Variants in NRXN1 observed in about 807,000 individuals in gnomAD.
The protein encoded by NRXN1 is neurexin-1.
In NRXN1, 39 loss-of-function variants were observed where a neutral mutation model predicts 150.9. That is an observed-to-expected ratio of 0.26 (90% CI 0.20 to 0.34). The LOEUF (loss-of-function observed/expected upper bound fraction) is 0.34, where lower values mean the gene tolerates loss of function less well. Among genes scored for constraint, NRXN1 ranks in the 10% least tolerant of loss-of-function variants. NRXN1 has a pLI of 1.00. For missense variants in NRXN1, 1,815 were observed against 1,949.9 expected (o/e 0.93, Z 1.30); for synonymous variants, 924 against 757.0 (o/e 1.22, Z -3.62).
At chr2:50,745,288 T>C (rs891992261) in intron 5 of NRXN1, among the ~76,000 whole-genome samples, 4 of 144,336 alleles carry the variant, frequency 2.8e-5, no homozygotes, top group African/African-American at 5.2e-5. Context: ...CTTATTTTTA[T>C]ATTTATATCT....
intron 18 of NRXN1, among the ~76,000 whole-genome samples, chr2:50,104,263 G>A (rs1314576182): frequency 6.6e-6 from 1 of 152,004 alleles, no homozygotes; most frequent in African/African-American, 2.4e-5. Context: ...GGTGGACTCT[G>A]ACTATTTCTG....
chr2:50,344,578 TTCTC>T (rs1184847194), intron 17 of NRXN1, among the ~76,000 whole-genome samples: 2 of 152,188 alleles, frequency 1.3e-5, no homozygotes, highest in Non-Finnish European at 2.9e-5. Flanking sequence ...ATCCTATTCT[TTCTC>T]TTTTTCGATG....
At chr2:50,373,654 GAAAGAAA>G (rs2080229958) in intron 17 of NRXN1, among the ~76,000 whole-genome samples, 1 of 101,520 alleles carries the variant, frequency 9.9e-6, no homozygotes, top group Non-Finnish European at 2.0e-5. Flanking sequence ...AAGAAAGAAA[GAAAGAAA>G]GAAAGAAAGA....
chr2:50,473,424 A>G (rs992739110), intron 15 of NRXN1, among the ~76,000 whole-genome samples: 1 of 151,956 alleles, frequency 6.6e-6, no homozygotes, highest in Admixed American at 6.6e-5. Flanking sequence ...ATTATTTACC[A>G]TATCTGGATA....
At chr2:50,110,452 A>G (rs35651286) in intron 18 of NRXN1, among the ~76,000 whole-genome samples, 1 of 144,112 alleles carries the variant, frequency 6.9e-6, no homozygotes, top group Non-Finnish European at 1.5e-5. Flanking sequence ...AGATCGCGCC[A>G]CCGCACTCCA....
At chr2:50,778,794 G>C (rs1443421913) in intron 5 of NRXN1, among the ~76,000 whole-genome samples, 1 of 152,234 alleles carries the variant, frequency 6.6e-6, no homozygotes, top group Non-Finnish European at 1.5e-5. Context: ...TTGTTACAAA[G>C]GTGACATGAA....
intron 17 of NRXN1, among the ~76,000 whole-genome samples, chr2:50,270,043 C>T (rs973537120): frequency 2.0e-5 from 3 of 152,098 alleles, no homozygotes; most frequent in Non-Finnish European, 4.4e-5. Flanking sequence ...CTATCCCCTC[C>T]GTTTCTGACC....
chr2:51,014,718 T>C (rs1227059447), intron 2 of NRXN1, among the ~76,000 whole-genome samples: 2 of 152,034 alleles, frequency 1.3e-5, no homozygotes, highest in East Asian at 1.9e-4. Flanking sequence ...AGTGCGTGAA[T>C]TGGGGAAAAT....
chr2:49,936,919 G>C (rs1441171444), intron 22 of NRXN1, among the ~76,000 whole-genome samples: 1 of 152,004 alleles, frequency 6.6e-6, no homozygotes, highest in Non-Finnish European at 1.5e-5. Context: ...ATAAAAACTG[G>C]TTGCTGGGAA....
rs77901390 is a variant in NRXN1, at chr2:50,819,757, T to G, written c.832+102112A>C. ...ATTTTTAGAGCAGTGATTATTTCCC[T>G]GAATTATTTCCATGTTCACCCCATC... is the stretch of plus-strand genomic sequence containing the variant. On this transcript the variant is annotated intron_variant, in intron 5 of 22. Transcript: ENST00000401669. 3.7e-3 allele frequency among the ~76,000 whole-genome samples: 560 copies of G among 152,184 alleles called. 5 individuals are homozygous for G. The highest frequency in any genetic ancestry group is 0.013 in the African/African-American group (523 of 41,540).
intron 18 of NRXN1, among the ~76,000 whole-genome samples, chr2:50,215,749 T>G (rs1260852491): frequency 6.6e-6 from 1 of 152,058 alleles, no homozygotes; most frequent in Non-Finnish European, 1.5e-5. Flanking sequence ...CAGGACAATC[T>G]AAATTAAGGA....
intron 22 of NRXN1, among the ~76,000 whole-genome samples, chr2:49,929,348 G>T (rs1276554496): frequency 6.6e-6 from 1 of 152,156 alleles, no homozygotes; most frequent in Non-Finnish European, 1.5e-5. Context: ...TAGGATCATG[G>T]TATTTACAAA....
At chr2:50,305,249 G>C (rs937345688) in intron 17 of NRXN1, among the ~76,000 whole-genome samples, 1 of 152,162 alleles carries the variant, frequency 6.6e-6, no homozygotes, top group Non-Finnish European at 1.5e-5. Flanking sequence ...ACGAGTTACA[G>C]AGCTTTCAAC....
At chr2:50,264,769 A>C (rs1357632191) in intron 17 of NRXN1, among the ~76,000 whole-genome samples, 1 of 152,088 alleles carries the variant, frequency 6.6e-6, no homozygotes, top group East Asian at 1.9e-4. Context: ...TTGTGGAAAC[A>C]TTTCAGTAAA....
rs533160497 is a variant in NRXN1 at position 50,648,985 on chromosome 2, G to A, written c.833-25370C>T. On this transcript the variant is annotated intron_variant, in intron 5 of 22. Coordinates refer to ENST00000401669, the MANE Select transcript of NRXN1 (RefSeq NM_001330078.2). ...ATTCATGGCCTTTGGGTTTTTCCTT[G>A]TCAGTCAATCTGAATGTCCCCTTCC... Among the ~76,000 whole-genome samples, 35 of 151,766 alleles carry A rather than the reference G, an allele frequency of 2.3e-4. No individual in the cohort carries two copies. In the Middle Eastern group the frequency reaches 0.01, roughly 44 times the overall value.
At chr2:50,220,923 T>C (rs2063834613) in intron 18 of NRXN1, among the ~76,000 whole-genome samples, 1 of 152,002 alleles carries the variant, frequency 6.6e-6, no homozygotes, top group Admixed American at 6.6e-5. Context: ...ACACAAATCA[T>C]TGCAATTAAA....
At chr2:50,892,960 G>A (rs762450436) in intron 5 of NRXN1, among the ~76,000 whole-genome samples, 19 of 152,100 alleles carry the variant, frequency 1.2e-4, no homozygotes, top group Non-Finnish European at 2.5e-4. Flanking sequence ...TAACCATGGC[G>A]TGGTCAAGGG....
intron 8 of NRXN1, among the ~76,000 whole-genome samples, chr2:50,588,374 C>A (rs1673517673): frequency 1.3e-5 from 2 of 151,976 alleles, no homozygotes; most frequent in South Asian, 4.2e-4. Context: ...TTTGACAGAG[C>A]TCAAAGATTC....
intron 18 of NRXN1, among the ~76,000 whole-genome samples, chr2:50,117,715 G>A (rs1336414203): frequency 3.3e-5 from 5 of 150,300 alleles, no homozygotes; most frequent in East Asian, 2.0e-4. Context: ...CCATAGAAGA[G>A]TTTCAATGAG....
Sources: allele counts gnomAD v4.1 joint callset (sites outside exome capture counted in the v4.1 genomes callset), GRCh38; gene constraint gnomAD v4.1.1; transcripts MANE v1.5; gene names NCBI Gene and HGNC (gene_info 2026-07-23, HGNC 2026-07-21).